The following ZRANB3 variants were observed in gnomAD, a reference collection of about 807,000 sequenced individuals.
ZRANB3 encodes DNA annealing helicase and endonuclease ZRANB3.
In ZRANB3, 125 loss-of-function variants were observed where a neutral mutation model predicts 133.8. The ratio of observed to expected loss-of-function variants is 0.93; its 90% CI spans 0.81 to 1.08. The LOEUF is 1.08. Among genes scored for constraint, ZRANB3 ranks in the 50% least tolerant of loss-of-function variants. The pLI, the probability that ZRANB3 is intolerant of heterozygous loss-of-function variation, is 0.00. For missense variants in ZRANB3, 1,229 were observed against 1,275.5 expected, an observed-to-expected ratio of 0.96 and a Z score of 0.56; for synonymous variants, 387 against 432.7, an observed-to-expected ratio of 0.89 and a Z score of 1.31.
chr2:135,311,232 C>T (rs940198048), intron 8 of ZRANB3, among the ~76,000 whole-genome samples: 5 of 151,916 alleles, frequency 3.3e-5, no homozygotes, highest in African/African-American at 9.7e-5. Flanking sequence ...CATCAGTCAT[C>T]GGGAAAAGAA....
intron 6 of ZRANB3, among the ~76,000 whole-genome samples, chr2:135,336,908 C>T (rs6742030): frequency 0.1 from 15,823 of 151,770 alleles, 1,090 homozygotes; most frequent in South Asian, 0.32. Flanking sequence ...GGGCTTCCCA[C>T]CAATACCTAG....
In ZRANB3 at chr2:135,230,947, G is replaced by C; in HGVS notation, c.1540-20C>G. 6.6e-7 allele frequency: 1 copy of C among 1,520,096 alleles called. No homozygotes were observed. The highest frequency in any genetic ancestry group is 8.8e-7 in the Non-Finnish European group (1 of 1,138,204). 94.2% of individuals were successfully genotyped at this position (1,520,096 alleles called of 1,614,324 possible). A position where few individuals can be genotyped will look rare whatever the true frequency, so the allele number is the denominator to read the frequency against. ...TTCGAACTAGGAAAAGCAAACAGTAGTTATCAAAGTAAGAAGCAATCTAAT... is the reference window on the plus strand; with the variant it reads ...TTCGAACTAGGAAAAGCAAACAGTACTTATCAAAGTAAGAAGCAATCTAAT... On this transcript the variant is annotated intron_variant, in intron 12 of 20. Transcript: ENST00000264159.
At chr2:135,402,536 C>T (rs1687782509) in intron 2 of ZRANB3, among the ~76,000 whole-genome samples, 1 of 151,718 alleles carries the variant, frequency 6.6e-6, no homozygotes, top group Admixed American at 6.6e-5. Context: ...CCTCATGATC[C>T]ACCCAACTCG....
intron 2 of ZRANB3, among the ~76,000 whole-genome samples, chr2:135,423,099 C>T (rs537084073): frequency 6.6e-6 from 1 of 152,296 alleles, no homozygotes; most frequent in East Asian, 1.9e-4. Context: ...CTCTGCCATT[C>T]TGCTTACACA....
chr2:135,283,163 T>C (rs1681173711), intron 8 of ZRANB3, among the ~76,000 whole-genome samples: 1 of 152,150 alleles, frequency 6.6e-6, no homozygotes. Flanking sequence ...CATGTGCCTA[T>C]ATTCCCAGCT....
chr2:135,502,468 G>A (rs577317200), intron 2 of ZRANB3, among the ~76,000 whole-genome samples: 2 of 152,148 alleles, frequency 1.3e-5, no homozygotes, highest in Admixed American at 6.5e-5. Flanking sequence ...TGAAGAACTC[G>A]GGCTTCTTTT....
At chr2:135,209,249 A>G (rs891513837) in intron 17 of ZRANB3, among the ~76,000 whole-genome samples, 2 of 152,180 alleles carry the variant, frequency 1.3e-5, no homozygotes, top group Admixed American at 6.5e-5. Flanking sequence ...AGCAATTTTC[A>G]TTTAGGGGAA....
intron 6 of ZRANB3, among the ~76,000 whole-genome samples, chr2:135,329,339 TG>T (rs1461881187): frequency 2.6e-5 from 4 of 152,212 alleles, no homozygotes; most frequent in Non-Finnish European, 5.9e-5. Context: ...TATTTGTTTT[TG>T]TTGGGTTTGT....
chr2:135,198,478 A>C lies in ZRANB3; in HGVS notation c.*1864T>G, dbSNP rs1193890093. 6.6e-6 allele frequency: 1 copy of C among 152,212 alleles called. No homozygotes were observed. The allele number at this position is 152,212 out of a possible 1,614,324, so 9.4% of individuals were successfully genotyped here. A position where few individuals can be genotyped will look rare whatever the true frequency, so the allele number is the denominator to read the frequency against. ...CATTTTTAATTAGTCAGAATTCTGA[A>C]ACCTGGTATAGACTGAGCCTATCTT... is the stretch of plus-strand genomic sequence containing the variant. On this transcript the variant is annotated 3_prime_UTR_variant, in exon 21 of 21. Transcript: ENST00000264159.
intron 2 of ZRANB3, among the ~76,000 whole-genome samples, chr2:135,499,908 A>C (rs894546474): frequency 6.6e-6 from 1 of 152,188 alleles, no homozygotes; most frequent in African/African-American, 2.4e-5. Context: ...ATAATTACTT[A>C]AGATGAAGTC....
chr2:135,251,203 T>C (rs1453769566), intron 12 of ZRANB3, among the ~76,000 whole-genome samples: 1 of 152,194 alleles, frequency 6.6e-6, no homozygotes, highest in African/African-American at 2.4e-5. Flanking sequence ...TCCCCTTTGT[T>C]TTGGCCAATT....
chr2:135,273,931 C>T (rs889494257), intron 9 of ZRANB3, among the ~76,000 whole-genome samples: 5 of 152,040 alleles, frequency 3.3e-5, no homozygotes, highest in East Asian at 1.9e-4. Context: ...TACTTGGAAT[C>T]GATCCCAGTA....
At chr2:135,385,200 GACAA>G (rs1558960204) in intron 3 of ZRANB3, among the ~76,000 whole-genome samples, 2 of 152,042 alleles carry the variant, frequency 1.3e-5, no homozygotes, top group South Asian at 2.1e-4. Context: ...ACCAATAACA[GACAA>G]ACAGAGAGCC....
intron 2 of ZRANB3, among the ~76,000 whole-genome samples, chr2:135,398,088 T>C (rs567130318): frequency 4.6e-5 from 7 of 152,240 alleles, no homozygotes; most frequent in African/African-American, 1.7e-4. Flanking sequence ...TTTTTTGAGA[T>C]GGAGTCTCGC....
intron 2 of ZRANB3, among the ~76,000 whole-genome samples, chr2:135,460,572 G>A (rs1034553533): frequency 1.3e-5 from 2 of 151,774 alleles, no homozygotes; most frequent in African/African-American, 2.4e-5. Flanking sequence ...TGGACGAAAC[G>A]GCTAACTTTT....
chr2:135,323,892 T>A (rs1252017444), intron 6 of ZRANB3, among the ~76,000 whole-genome samples: 2 of 152,006 alleles, frequency 1.3e-5, no homozygotes, highest in East Asian at 3.9e-4. Context: ...CACAGCCTCC[T>A]GAGCAGCTGA....
chr2:135,303,001 T>A (rs1248812696), intron 8 of ZRANB3, among the ~76,000 whole-genome samples: 1 of 151,924 alleles, frequency 6.6e-6, no homozygotes, highest in Non-Finnish European at 1.5e-5. Flanking sequence ...AAGAAAAAAA[T>A]TTAATTATAG....
chr2:135,245,109 T>C (rs1695731113), intron 12 of ZRANB3, among the ~76,000 whole-genome samples: 1 of 152,228 alleles, frequency 6.6e-6, no homozygotes, highest in African/African-American at 2.4e-5. Flanking sequence ...TAGCAATGAC[T>C]ATGGCTAATG....
At chr2:135,384,365 C>G (rs1250251864) in intron 3 of ZRANB3, among the ~76,000 whole-genome samples, 1 of 151,870 alleles carries the variant, frequency 6.6e-6, no homozygotes, top group African/African-American at 2.4e-5. Flanking sequence ...GATTAACAAC[C>G]AAAAAAAGCC....
Sources: allele counts gnomAD v4.1 joint callset (sites outside exome capture counted in the v4.1 genomes callset), GRCh38; gene constraint gnomAD v4.1.1; transcripts MANE v1.5; gene names NCBI Gene and HGNC (gene_info 2026-07-23, HGNC 2026-07-21).